The following GRM7 variants were observed in gnomAD, a reference collection of about 807,000 sequenced individuals.
GRM7 encodes the protein glutamate metabotropic receptor 7.
A neutral mutation model predicts 84.5 loss-of-function variants in GRM7; 35 were observed. The observed-to-expected ratio is 0.41, with a 90% CI of 0.32 to 0.55. The LOEUF (loss-of-function observed/expected upper bound fraction) is 0.55. Ranked by LOEUF, GRM7 falls within the 20% of genes least tolerant of loss-of-function variation. The pLI is 0.19. For missense variants in GRM7, 1,003 were observed against 1,194.6 expected (o/e 0.84, Z 2.36); for synonymous variants, 487 against 455.1 (o/e 1.07, Z -0.89).
chr3:7,331,329 G>A (rs1344117334), intron 4 of GRM7, among the ~76,000 whole-genome samples: 1 of 152,166 alleles, frequency 6.6e-6, no homozygotes, highest in Non-Finnish European at 1.5e-5. Context: ...GAAGGAACTT[G>A]GTGGAATCCT....
chr3:7,195,242 T>A lies in GRM7; in HGVS notation c.736+48574T>A, dbSNP rs138282413. On this transcript the variant is annotated intron_variant, in intron 2 of 9. Transcript: ENST00000357716. ...AATTGCTCTCTGAATTGTGTAAATT[T>A]CTTGAGAAGGATTCTGACTTCCCTC... Among the ~76,000 whole-genome samples, 19 of 152,258 alleles carry A rather than the reference T, an allele frequency of 1.2e-4. 1 individual carries two copies. In the East Asian group the frequency reaches 3.7e-3, roughly 29 times the overall value.
intron 2 of GRM7, among the ~76,000 whole-genome samples, chr3:7,246,624 A>G (rs1697770715): frequency 6.6e-6 from 1 of 152,146 alleles, no homozygotes; most frequent in African/African-American, 2.4e-5. Context: ...AAATCCTTCT[A>G]AATAGACTGG....
chr3:6,927,990 G>T (rs982898866), intron 1 of GRM7, among the ~76,000 whole-genome samples: 2 of 152,070 alleles, frequency 1.3e-5, no homozygotes. Flanking sequence ...TAATCACTAG[G>T]TCGCAAATCC....
At chr3:7,273,550 A>C (rs2124981983) in intron 2 of GRM7, among the ~76,000 whole-genome samples, 1 of 152,232 alleles carries the variant, frequency 6.6e-6, no homozygotes, top group Non-Finnish European at 1.5e-5. Flanking sequence ...TTAGGTACAT[A>C]CACATTATGT....
intron 1 of GRM7, among the ~76,000 whole-genome samples, chr3:6,868,264 C>A (rs1051772543): frequency 6.6e-6 from 1 of 152,130 alleles, no homozygotes; most frequent in Non-Finnish European, 1.5e-5. Flanking sequence ...CAAACCACTA[C>A]GTATACTGCT....
chr3:7,002,210 G>T (rs1326771774), intron 1 of GRM7, among the ~76,000 whole-genome samples: 1 of 152,144 alleles, frequency 6.6e-6, no homozygotes, highest in Non-Finnish European at 1.5e-5. Context: ...ATAGTGGTTA[G>T]CTACGTAGGC....
At chr3:7,391,391 G>A (rs1008977622) in intron 4 of GRM7, among the ~76,000 whole-genome samples, 4 of 152,106 alleles carry the variant, frequency 2.6e-5, no homozygotes, top group Non-Finnish European at 5.9e-5. Context: ...AAAAAAGGAT[G>A]AGTTCATGTA....
intron 9 of GRM7, among the ~76,000 whole-genome samples, chr3:7,724,244 G>A (rs1702046793): frequency 6.6e-6 from 1 of 152,178 alleles, no homozygotes; most frequent in African/African-American, 2.4e-5. Flanking sequence ...TTTGGTTAGT[G>A]AGGCCCATGC....
At chr3:7,360,964 G>A (rs771058195) in intron 4 of GRM7, among the ~76,000 whole-genome samples, 9 of 151,990 alleles carry the variant, frequency 5.9e-5, no homozygotes, top group Non-Finnish European at 1.3e-4. Flanking sequence ...TGCTTTTTCA[G>A]GGGTTCTGAA....
intron 1 of GRM7, among the ~76,000 whole-genome samples, chr3:6,996,058 T>A (rs1174773926): frequency 1.0e-5 from 1 of 98,090 alleles, no homozygotes; most frequent in Non-Finnish European, 2.6e-5. Context: ...CTACAATATA[T>A]TTTTTTTTGA....
intron 1 of GRM7, among the ~76,000 whole-genome samples, chr3:7,043,064 A>G (rs984555351): frequency 5.3e-5 from 8 of 152,176 alleles, no homozygotes; most frequent in African/African-American, 1.4e-4. Flanking sequence ...ACTGTCTCCA[A>G]TGCTCCATAC....
rs549400380 is a variant in GRM7, at chr3:7,691,559, T to C, written c.2698+11264T>C. The stretch of plus-strand genomic sequence containing the variant: ...GAGGTACCATGGAGGTGGCATGAGA[T>C]TCTGTATATGAAAGCCCTGTTTTGA... On this transcript the variant is annotated intron_variant, in intron 9 of 9. Coordinates refer to ENST00000357716, the MANE Select transcript of GRM7 (RefSeq NM_000844.4). Among the ~76,000 whole-genome samples the C allele has an allele frequency of 7.9e-5, 12 of 152,300 alleles. No individual in the cohort carries two copies. In the East Asian group the frequency reaches 2.3e-3, roughly 29 times the overall value.
chr3:7,173,082 G>A (rs1486119805), intron 2 of GRM7, among the ~76,000 whole-genome samples: 3 of 152,142 alleles, frequency 2.0e-5, no homozygotes, highest in East Asian at 1.9e-4. Context: ...AAAGGACGCC[G>A]AGGTACAGGG....
chr3:7,560,532 A>G (rs1693969676), intron 7 of GRM7, among the ~76,000 whole-genome samples: 1 of 152,072 alleles, frequency 6.6e-6, no homozygotes, highest in Non-Finnish European at 1.5e-5. Context: ...GACCAACAAC[A>G]TTACCTGGGA....
At chr3:7,080,484 T>A (rs1194275506) in intron 1 of GRM7, among the ~76,000 whole-genome samples, 1 of 152,036 alleles carries the variant, frequency 6.6e-6, no homozygotes, top group Non-Finnish European at 1.5e-5. Context: ...AGGATTTACT[T>A]GGCATATTTT....
chr3:7,696,593 TC>T (rs1236933968), intron 9 of GRM7, among the ~76,000 whole-genome samples: 1 of 152,164 alleles, frequency 6.6e-6, no homozygotes, highest in Non-Finnish European at 1.5e-5. Context: ...ACAGAACACT[TC>T]CAAGCACTTT....
At chr3:7,735,668 G>A (rs1054277134) in intron 9 of GRM7, among the ~76,000 whole-genome samples, 1 of 152,080 alleles carries the variant, frequency 6.6e-6, no homozygotes, top group Non-Finnish European at 1.5e-5. Context: ...AAGTCCTATT[G>A]TGGTAACATC....
Position 6,982,478 on chromosome 3 carries a change from A to T in GRM7, c.519+120571A>T, listed in dbSNP as rs1157021606. Among the ~76,000 whole-genome samples the T allele has an allele frequency of 2.0e-5, 3 of 152,180 alleles. No individual in the cohort carries two copies. The East Asian group carries it at 5.8e-4, about 29-fold the overall frequency. On this transcript the variant is annotated intron_variant, in intron 1 of 9. Coordinates refer to ENST00000357716, the MANE Select transcript of GRM7 (RefSeq NM_000844.4). The stretch of plus-strand genomic sequence containing the variant: ...ATAGAATATAAAAATCAATTATGAG[A>T]CACATAGGTATTTTTTCTGATATTA...
At chr3:7,208,740 G>A (rs891114846) in intron 2 of GRM7, among the ~76,000 whole-genome samples, 6 of 152,206 alleles carry the variant, frequency 3.9e-5, no homozygotes, top group East Asian at 1.9e-4. Context: ...TAACCAAATC[G>A]TGGTATTACT....
Sources: gnomAD v4.1 joint callset for allele counts (sites outside exome capture counted in the v4.1 genomes callset) on GRCh38, gnomAD v4.1.1 for gene constraint, MANE v1.5 for transcripts, NCBI Gene and HGNC (gene_info 2026-07-23, HGNC 2026-07-21) for gene names.